The following GNB1 variants were observed in gnomAD, a reference collection of about 807,000 sequenced individuals.
GNB1 encodes guanine nucleotide-binding protein G(I)/G(S)/G(T) subunit beta-1.
GNB1 carries 2 observed loss-of-function variants against 42.9 expected under a neutral mutation model. The observed-to-expected ratio is 0.05, with a 90% CI of 0.02 to 0.15. GNB1 has a LOEUF of 0.15. Among genes scored for constraint, GNB1 ranks in the 10% least tolerant of loss-of-function variants. GNB1 has a pLI of 1.00. For missense variants in GNB1, 193 were observed against 462.2 expected (o/e 0.42, Z 5.34); for synonymous variants, 183 against 174.7 (o/e 1.05, Z -0.38).
intron 3 of GNB1, among the ~76,000 whole-genome samples, chr1:1,823,638 T>C (rs1185183121): frequency 1.3e-5 from 2 of 152,196 alleles, no homozygotes; most frequent in African/African-American, 4.8e-5. Flanking sequence ...TTTTAAATGT[T>C]AAGATTTAAA....
At chr1:1,840,038 C>A (rs998753584) in intron 1 of GNB1, among the ~76,000 whole-genome samples, 3 of 145,352 alleles carry the variant, frequency 2.1e-5, no homozygotes, top group Middle Eastern at 7.0e-3. Context: ...TTCTTGGCAG[C>A]GAACTAAAAA....
In GNB1 at chr1:1,885,917, C is replaced by T. The variant is rs181115611; in HGVS notation, c.-96+4903G>A. Among the ~76,000 whole-genome samples the T allele has an allele frequency of 6.0e-5, 9 of 151,082 alleles. No homozygotes were observed. In the East Asian group the frequency reaches 1.8e-3, roughly 29 times the overall value. Reference sequence around the variant, plus strand: ...CAACATTGCTCTATAAAACAGAAAGCTTTTCTACCACTGAAAGCCAGGAGT... The same window carrying T: ...CAACATTGCTCTATAAAACAGAAAGTTTTTCTACCACTGAAAGCCAGGAGT... On this transcript the variant is annotated intron_variant, in intron 1 of 11. Transcript: ENST00000378609.
At chr1:1,872,693 A>G (rs749245673) in intron 1 of GNB1, among the ~76,000 whole-genome samples, 3 of 151,972 alleles carry the variant, frequency 2.0e-5, no homozygotes, top group Admixed American at 6.6e-5. Context: ...TAAATACCCT[A>G]AACAATACCC....
intron 3 of GNB1, among the ~76,000 whole-genome samples, chr1:1,824,114 A>G (rs1415087675): frequency 6.6e-6 from 1 of 152,226 alleles, no homozygotes; most frequent in African/African-American, 2.4e-5. Context: ...AAACAAGAGT[A>G]AGAGAAAGCT....
In GNB1 at chr1:1,787,243, C is replaced by T. The variant is rs573149569; in HGVS notation, c.*9+79G>A. The stretch of plus-strand genomic sequence containing the variant: ...GCTACATCAACATTTATCTAGAAAC[C>T]GTTAATGACAACTTCAAATGTTCTA... On this transcript the variant is annotated intron_variant, in intron 11 of 11. Coordinates refer to ENST00000378609, the MANE Select transcript of GNB1 (RefSeq NM_002074.5). The surrounding 1 kb of genome is among the most constrained non-coding windows in gnomAD (Gnocchi z 4.4). The T allele has an allele frequency of 4.1e-5, 31 of 762,160 alleles. No homozygotes were observed. Among genetic ancestry groups the T allele is most frequent in the African/African-American group, 2.4e-4 (14 of 57,324 alleles). 47.2% of individuals were successfully genotyped at this position (762,160 alleles called of 1,614,324 possible).
At chr1:1,835,499 C>A (rs147359736) in intron 2 of GNB1, among the ~76,000 whole-genome samples, 2 of 152,268 alleles carry the variant, frequency 1.3e-5, no homozygotes, top group East Asian at 3.9e-4. Flanking sequence ...AAAACTGTTG[C>A]CCTGAAAGTT....
At chr1:1,817,328 T>G (rs1646871704) in intron 4 of GNB1, among the ~76,000 whole-genome samples, 5 of 152,216 alleles carry the variant, frequency 3.3e-5, no homozygotes, top group Admixed American at 3.3e-4. Flanking sequence ...CCACAATTTG[T>G]TTCTCCACTC....
At chr1:1,837,669 CCT>C (rs1647171401) in intron 2 of GNB1, among the ~76,000 whole-genome samples, 1 of 151,988 alleles carries the variant, frequency 6.6e-6, no homozygotes, top group South Asian at 2.1e-4. Context: ...AAGCGATTCC[CCT>C]GCCTCAACCT....
intron 7 of GNB1, among the ~76,000 whole-genome samples, chr1:1,797,997 G>A (rs558416178): frequency 1.1e-4 from 17 of 152,352 alleles, no homozygotes; most frequent in African/African-American, 3.8e-4. Context: ...AAACAAGACC[G>A]TGCTGGCGAG....
At chr1:1,843,967 G>A (rs1570702861) in intron 1 of GNB1, among the ~76,000 whole-genome samples, 2 of 151,940 alleles carry the variant, frequency 1.3e-5, no homozygotes, top group African/African-American at 4.8e-5. Flanking sequence ...AGGCCGAGGC[G>A]GGCGGATCAC....
At chr1:1,838,945 A>G (rs909793511) in intron 2 of GNB1, among the ~76,000 whole-genome samples, 1 of 152,126 alleles carries the variant, frequency 6.6e-6, no homozygotes, top group Non-Finnish European at 1.5e-5. Flanking sequence ...AAAGAGATAG[A>G]AAAAAACTGT....
intron 6 of GNB1, among the ~76,000 whole-genome samples, chr1:1,805,030 C>T (rs1380462715): frequency 1.3e-5 from 2 of 152,206 alleles, no homozygotes; most frequent in East Asian, 3.9e-4. Flanking sequence ...GGCGTGATGG[C>T]GCATGCCTGT....
intron 1 of GNB1, among the ~76,000 whole-genome samples, chr1:1,839,869 AAC>A (rs920572387): frequency 5.3e-5 from 8 of 151,764 alleles, no homozygotes; most frequent in Admixed American, 1.3e-4. Context: ...AAAAACACAC[AAC>A]AGTCTGGGCG....
intron 1 of GNB1, among the ~76,000 whole-genome samples, chr1:1,880,124 G>A (rs539143579): frequency 5.3e-4 from 81 of 151,798 alleles, no homozygotes; most frequent in South Asian, 1.0e-3. Flanking sequence ...GTAGAGATGG[G>A]GTCTCACTAT....
intron 1 of GNB1, among the ~76,000 whole-genome samples, chr1:1,846,268 TAGA>T (rs1199040485): frequency 9.2e-5 from 14 of 151,488 alleles, no homozygotes; most frequent in African/African-American, 2.2e-4. Context: ...CCAATACACA[TAGA>T]AGGAGTAAGA....
intron 3 of GNB1, among the ~76,000 whole-genome samples, chr1:1,823,338 C>T (rs1051545754): frequency 6.6e-6 from 1 of 151,874 alleles, no homozygotes; most frequent in East Asian, 1.9e-4. Flanking sequence ...CTGAACCCCC[C>T]CAAAAACCCA....
intron 1 of GNB1, among the ~76,000 whole-genome samples, chr1:1,862,531 G>C (rs1648690408): frequency 6.6e-6 from 1 of 151,420 alleles, no homozygotes; most frequent in Non-Finnish European, 1.5e-5. Flanking sequence ...GCACAATTAC[G>C]GCTCACTGCA....
intron 5 of GNB1, among the ~76,000 whole-genome samples, chr1:1,810,646 GT>G (rs1488581995): frequency 6.6e-6 from 1 of 150,700 alleles, no homozygotes. Context: ...AGTAATCATT[GT>G]GGGCCTTGCA....
At chr1:1,884,224 C>T (rs779824082) in intron 1 of GNB1, among the ~76,000 whole-genome samples, 4 of 152,010 alleles carry the variant, frequency 2.6e-5, no homozygotes, top group Admixed American at 1.3e-4. Flanking sequence ...CTCAGCCTCC[C>T]GAGTAGCTGG....
Sources: gnomAD v4.1 joint callset for allele counts (sites outside exome capture counted in the v4.1 genomes callset) on GRCh38, gnomAD v4.1.1 for gene constraint, Gnocchi (gnomAD v3.1) non-coding constraint, MANE v1.5 for transcripts, NCBI Gene and HGNC (gene_info 2026-07-23, HGNC 2026-07-21) for gene names.